LPAR1: variants seen among roughly 807,000 people sequenced by gnomAD.
The protein encoded by LPAR1 is lysophosphatidic acid receptor 1, also known as LPA receptor 1.
LPAR1 carries 5 observed loss-of-function variants against 23.8 expected under a neutral mutation model. That is an observed-to-expected ratio of 0.21 (90% confidence interval 0.11 to 0.44). The LOEUF (loss-of-function observed/expected upper bound fraction) is 0.44. LPAR1 is among the 20% of genes least tolerant of loss of function. The pLI is 0.99. For synonymous variants in LPAR1, 160 were observed against 164.7 expected, an observed-to-expected ratio of 0.97 and a Z score of 0.22; for missense variants, 311 against 482.8, an observed-to-expected ratio of 0.64 and a Z score of 3.33.
chr9:110,956,909 G>A (rs1018849359), intron 4 of LPAR1, among the ~76,000 whole-genome samples: 8 of 152,068 alleles, frequency 5.3e-5, no homozygotes, highest in African/African-American at 1.9e-4. Flanking sequence ...TCAAAGGGAG[G>A]TGATTTTTCC....
intron 5 of LPAR1, among the ~76,000 whole-genome samples, chr9:110,914,166 G>A (rs542788843): frequency 6.6e-6 from 1 of 152,220 alleles, no homozygotes; most frequent in Admixed American, 6.5e-5. Context: ...GTCTTATGTA[G>A]CTGTCTCCCT....
chr9:110,902,552 G>T (rs1487807384), intron 5 of LPAR1, among the ~76,000 whole-genome samples: 1 of 152,248 alleles, frequency 6.6e-6, no homozygotes, highest in East Asian at 1.9e-4. Flanking sequence ...GGAACTGGGA[G>T]TCAATTAAAC....
At position 111,004,024 on chromosome 9, in the gene LPAR1, T is replaced by C. The variant is rs73657226; in HGVS notation, c.-181-30466A>G. On this transcript the variant is annotated intron_variant, in intron 2 of 5. Coordinates refer to ENST00000683809, the MANE Select transcript of LPAR1 (RefSeq NM_001351411.2). Reference sequence around the variant, plus strand: ...GAAGTTCATCCCAACAACTCAGACTTAAGAAAAACTAATCATTCCATGAGG... The same window carrying C: ...GAAGTTCATCCCAACAACTCAGACTCAAGAAAAACTAATCATTCCATGAGG... 9.7e-3 allele frequency among the ~76,000 whole-genome samples: 1,470 copies of C among 152,212 alleles called. 22 individuals are homozygous for C. The highest frequency in any genetic ancestry group is 0.033 in the African/African-American group (1,374 of 41,540).
intron 2 of LPAR1, among the ~76,000 whole-genome samples, chr9:111,034,849 C>T (rs938532653): frequency 3.9e-5 from 6 of 152,154 alleles, no homozygotes; most frequent in East Asian, 1.9e-4. Context: ...TTTGTCCCTT[C>T]GTAACTTTCC....
chr9:111,001,843 T>C (rs572992619), intron 2 of LPAR1, among the ~76,000 whole-genome samples: 2 of 152,356 alleles, frequency 1.3e-5, no homozygotes, highest in South Asian at 2.1e-4. Context: ...GAAAGTCATG[T>C]AATGTTCCTG....
chr9:110,941,940 C>G lies in LPAR1; in HGVS notation c.274G>C (p.Ala92Pro), dbSNP rs1350606634. The G allele has an allele frequency of 6.2e-7, 1 of 1,614,014 alleles. No homozygotes were observed. Among genetic ancestry groups the G allele is most frequent in the Non-Finnish European group, 8.5e-7 (1 of 1,180,020 alleles). Residue 92 changes from alanine to proline, a missense_variant, in exon 5 of 6, where the codon GCT becomes CCT. Ala to Pro is a conservative substitution (Grantham distance 27). Coordinates refer to ENST00000683809, the MANE Select transcript of LPAR1 (RefSeq NM_001351411.2). The surrounding 1 kb of genome is among the most constrained non-coding windows in gnomAD (Gnocchi z 6.1). Reference protein sequence around the residue: ...FPIYYLMANLAAADFFAGLAY... With the variant: ...FPIYYLMANLPAADFFAGLAY... ...AACCCAGCAAAGAAGTCTGCAGCAG[C>G]CAGATTAGCCATTAGGTAATAAATA...
intron 4 of LPAR1, among the ~76,000 whole-genome samples, chr9:110,953,916 A>G (rs933405349): frequency 6.6e-6 from 1 of 152,134 alleles, no homozygotes; most frequent in African/African-American, 2.4e-5. Context: ...AGGAACTATG[A>G]CACCTTCAAA....
chr9:110,908,510 A>C (rs776249712), intron 5 of LPAR1, among the ~76,000 whole-genome samples: 3 of 152,120 alleles, frequency 2.0e-5, no homozygotes, highest in African/African-American at 7.2e-5. Context: ...GGGAAATATA[A>C]AGCAGAATAA....
intron 5 of LPAR1, among the ~76,000 whole-genome samples, chr9:110,881,720 T>G (rs1367088107): frequency 6.6e-6 from 1 of 152,230 alleles, no homozygotes; most frequent in Non-Finnish European, 1.5e-5. Flanking sequence ...ATCTGCCAAT[T>G]GCAACAGGCT....
intron 5 of LPAR1, among the ~76,000 whole-genome samples, chr9:110,893,879 C>T (rs1020000425): frequency 6.6e-6 from 1 of 152,060 alleles, no homozygotes; most frequent in African/African-American, 2.4e-5. Context: ...ACTATGCTCC[C>T]TGGTCTAAGA....
At chr9:110,943,296 A>C (rs1339406005) in intron 4 of LPAR1, among the ~76,000 whole-genome samples, 1 of 151,682 alleles carries the variant, frequency 6.6e-6, no homozygotes, top group Non-Finnish European at 1.5e-5. Context: ...CTACTTTTTC[A>C]TTTTTATTTT....
At chr9:110,975,250 T>C (rs919462682) in intron 2 of LPAR1, among the ~76,000 whole-genome samples, 1 of 151,786 alleles carries the variant, frequency 6.6e-6, no homozygotes, top group African/African-American at 2.4e-5. Flanking sequence ...TAGCTTAGAG[T>C]AAGGAAAGCG....
chr9:110,913,457 A>T (rs770782833), intron 5 of LPAR1, among the ~76,000 whole-genome samples: 59 of 152,318 alleles, frequency 3.9e-4, no homozygotes, highest in Non-Finnish European at 7.8e-4. Flanking sequence ...TTGTTTCTAA[A>T]AGTCTCTAAA....
In LPAR1 at chr9:110,946,321, T is replaced by C. The variant is rs2095376820; in HGVS notation, c.46-4153A>G. ...AAGTAATTGCCTAAAAAGAAAGGTCTCAGATTAGTGATTTAAATTTATGTA... is the reference window on the plus strand; with the variant it reads ...AAGTAATTGCCTAAAAAGAAAGGTCCCAGATTAGTGATTTAAATTTATGTA... On this transcript the variant is annotated intron_variant, in intron 4 of 5. Transcript: ENST00000683809. 2.0e-5 allele frequency among the ~76,000 whole-genome samples: 3 copies of C among 152,166 alleles called. No homozygotes were observed. The South Asian group carries it at 6.2e-4, about 32-fold the overall frequency.
chr9:111,012,004 C>A (rs1034770298), intron 2 of LPAR1, among the ~76,000 whole-genome samples: 1 of 152,148 alleles, frequency 6.6e-6, no homozygotes, highest in African/African-American at 2.4e-5. Flanking sequence ...TATTCCAACA[C>A]TTTGAGAGGC....
Position 111,005,576 on chromosome 9 carries a change from AAG to A in LPAR1, c.-182+30544_-182+30545del, listed in dbSNP as rs1360985792. Among the ~76,000 whole-genome samples the A allele has an allele frequency of 4.1e-3, 494 of 119,586 alleles. 1 individual carries two copies. Among genetic ancestry groups the A allele is most frequent in the Non-Finnish European group, 6.8e-3 (401 of 58,818 alleles). The allele number at this position is 119,586 out of a possible 152,430, so 78.5% of individuals were successfully genotyped here. On this transcript the variant is annotated intron_variant, in intron 2 of 5. Transcript: ENST00000683809. The stretch of plus-strand genomic sequence containing the variant: ...AAAAAAAAAAAAAAAAAAAAAAAAA[AAG>A]AAGAATTGGGAAGGAGGAAGCAAAC...
intron 5 of LPAR1, among the ~76,000 whole-genome samples, chr9:110,930,379 G>A (rs2094328848): frequency 6.6e-6 from 1 of 151,938 alleles, no homozygotes; most frequent in Non-Finnish European, 1.5e-5. Context: ...GCTGGGTGTG[G>A]TGGCCTGTAA....
At chr9:110,980,609 T>C (rs773257914) in intron 2 of LPAR1, among the ~76,000 whole-genome samples, 9 of 151,806 alleles carry the variant, frequency 5.9e-5, no homozygotes, top group Non-Finnish European at 1.0e-4. Context: ...TAGTGCTTAC[T>C]AGATACCAGG....
chr9:110,942,789 C>T (rs2095197472), intron 4 of LPAR1, among the ~76,000 whole-genome samples: 1 of 152,144 alleles, frequency 6.6e-6, no homozygotes, highest in Admixed American at 6.5e-5. Flanking sequence ...TCCTTAAGTT[C>T]AGAATAGGAC....
Sources: allele counts gnomAD v4.1 joint callset (sites outside exome capture counted in the v4.1 genomes callset), GRCh38; gene constraint gnomAD v4.1.1; non-coding constraint Gnocchi (gnomAD v3.1); transcripts MANE v1.5; gene names NCBI Gene and HGNC (gene_info 2026-07-23, HGNC 2026-07-21).